The following CSMD3 variants were observed in gnomAD, a reference collection of about 807,000 sequenced individuals.
CSMD3 encodes CUB and Sushi multiple domains 3.
In CSMD3, 177 loss-of-function variants were observed where a neutral mutation model predicts 435.2. The observed-to-expected ratio is 0.41, with a 90% confidence interval of 0.36 to 0.46. The LOEUF is 0.46. CSMD3 is among the 20% of genes least tolerant of loss of function. CSMD3 has a pLI of 0.34. For synonymous variants in CSMD3, 1,656 were observed against 1,520.5 expected, an observed-to-expected ratio of 1.09 and a Z score of -2.07; for missense variants, 4,265 against 4,504.6, an observed-to-expected ratio of 0.95 and a Z score of 1.52.
chr8:112,933,611 C>A (rs929897202), intron 9 of CSMD3, among the ~76,000 whole-genome samples: 1 of 152,054 alleles, frequency 6.6e-6, no homozygotes, highest in African/African-American at 2.4e-5. Flanking sequence ...ATAACGATTT[C>A]TGAATAAGTC....
At chr8:113,414,868 A>G (rs970115083) in intron 1 of CSMD3, among the ~76,000 whole-genome samples, 2 of 152,128 alleles carry the variant, frequency 1.3e-5, no homozygotes, top group African/African-American at 4.8e-5. Flanking sequence ...TGGGAGGCTG[A>G]GGCAGGAGAA....
intron 32 of CSMD3, among the ~76,000 whole-genome samples, chr8:112,419,074 T>C (rs573061855): frequency 2.0e-5 from 3 of 152,244 alleles, no homozygotes; most frequent in Non-Finnish European, 4.4e-5. Flanking sequence ...TAAGGGATGA[T>C]TAGGGATACT....
intron 10 of CSMD3, among the ~76,000 whole-genome samples, chr8:112,906,644 C>T (rs998868640): frequency 5.3e-5 from 8 of 151,404 alleles, no homozygotes; most frequent in Non-Finnish European, 8.9e-5. Context: ...TTAGATCTTC[C>T]TTTTCTCATA....
intron 61 of CSMD3, among the ~76,000 whole-genome samples, chr8:112,259,382 T>C (rs1816164736): frequency 6.6e-6 from 1 of 150,858 alleles, no homozygotes. Context: ...TAAGTGGGAG[T>C]AGAACAATGA....
chr8:112,750,245 T>C (rs1327818483), intron 13 of CSMD3, among the ~76,000 whole-genome samples: 1 of 151,848 alleles, frequency 6.6e-6, no homozygotes, highest in Non-Finnish European at 1.5e-5. Flanking sequence ...TAACTATTGA[T>C]TGAGAACATA....
At chr8:113,171,536 T>C (rs2092267714) in intron 4 of CSMD3, among the ~76,000 whole-genome samples, 2 of 13,474 alleles carry the variant, frequency 1.5e-4, no homozygotes, top group African/African-American at 1.3e-3. Context: ...TTTAGGGAGT[T>C]TTATGGTTTT....
chr8:113,138,885 A>G lies in CSMD3; in HGVS notation c.709+34837T>C, dbSNP rs148542946. On this transcript the variant is annotated intron_variant, in intron 4 of 70. Coordinates refer to ENST00000297405, the MANE Select transcript of CSMD3 (RefSeq NM_198123.2). ...TATATCTGAATATATGTATATATAT[A>G]TGTCACATAATACTAAAGGAAATTT... Among the ~76,000 whole-genome samples the G allele has an allele frequency of 4.0e-3, 604 of 151,090 alleles. 5 individuals are homozygous for G. Among genetic ancestry groups the G allele is most frequent in the African/African-American group, 0.014 (580 of 41,332 alleles).
intron 23 of CSMD3, among the ~76,000 whole-genome samples, chr8:112,584,929 G>A (rs986007861): frequency 1.3e-5 from 2 of 151,426 alleles, no homozygotes; most frequent in African/African-American, 2.4e-5. Context: ...ATGACTTTAG[G>A]CTCTACAATT....
At chr8:113,388,606 T>C (rs1057274660) in intron 1 of CSMD3, among the ~76,000 whole-genome samples, 1 of 151,688 alleles carries the variant, frequency 6.6e-6, no homozygotes, top group African/African-American at 2.4e-5. Context: ...ATGGTAGTTA[T>C]ATTGAACTGA....
At chr8:113,329,092 A>G (rs1048041849) in intron 1 of CSMD3, among the ~76,000 whole-genome samples, 16 of 151,876 alleles carry the variant, frequency 1.1e-4, no homozygotes, top group Non-Finnish European at 1.8e-4. Context: ...AAGAAACTGG[A>G]AAGTATGGCT....
intron 1 of CSMD3, among the ~76,000 whole-genome samples, chr8:113,428,768 G>A (rs547118765): frequency 6.6e-6 from 1 of 151,920 alleles, no homozygotes; most frequent in South Asian, 2.1e-4. Flanking sequence ...AGATAAACTT[G>A]TATAACAGAA....
chr8:113,035,190 T>C (rs2087289830), intron 5 of CSMD3, among the ~76,000 whole-genome samples: 1 of 151,614 alleles, frequency 6.6e-6, no homozygotes, highest in Admixed American at 6.6e-5. Flanking sequence ...TTTGAAAAAA[T>C]CAATAAAATC....
At chr8:112,503,738 TA>T in intron 30 of CSMD3, 51 bp downstream of exon 30, 2 of 1,346,178 alleles carry the variant, frequency 1.5e-6, no homozygotes, top group Non-Finnish European at 2.1e-6. Context: ...TTCTCCTGTA[TA>T]AAATATCTAT....
chr8:112,382,290 G>GTAAAAAAAAAA (rs1190976806), intron 37 of CSMD3, among the ~76,000 whole-genome samples: 1 of 52,082 alleles, frequency 1.9e-5, no homozygotes, highest in Non-Finnish European at 4.9e-5. Context: ...TCTCTAAAAT[G>GTAAAAAAAAAA]CAAAAAAAAA....
intron 4 of CSMD3, among the ~76,000 whole-genome samples, chr8:113,159,141 T>C (rs1161209220): frequency 6.6e-6 from 1 of 152,024 alleles, no homozygotes; most frequent in African/African-American, 2.4e-5. Context: ...TCTTCTAGGC[T>C]TGTGTTAGGC....
chr8:112,859,068 CAT>C (rs1342315049), intron 11 of CSMD3, 75 bp downstream of exon 11: 16 of 1,360,554 alleles, frequency 1.2e-5, no homozygotes, highest in Non-Finnish European at 1.7e-5. Context: ...TTCCATACTG[CAT>C]GTTCCGTATT....
chr8:112,426,057 A>G (rs1194804753), intron 32 of CSMD3, among the ~76,000 whole-genome samples: 1 of 152,292 alleles, frequency 6.6e-6, no homozygotes, highest in East Asian at 1.9e-4. Flanking sequence ...CTGTTCCATC[A>G]TATACTGTCT....
intron 3 of CSMD3, among the ~76,000 whole-genome samples, chr8:113,225,595 C>T (rs907016647): frequency 2.0e-5 from 3 of 151,434 alleles, no homozygotes; most frequent in Non-Finnish European, 1.5e-5. Context: ...CTTATTGGTA[C>T]ACTGACTAAA....
intron 32 of CSMD3, among the ~76,000 whole-genome samples, chr8:112,437,051 G>A (rs1000342704): frequency 6.6e-6 from 1 of 151,956 alleles, no homozygotes; most frequent in Non-Finnish European, 1.5e-5. Flanking sequence ...GACTGATTAA[G>A]TTATGTTTTT....
Sources: gnomAD v4.1 joint callset for allele counts (sites outside exome capture counted in the v4.1 genomes callset) on GRCh38, gnomAD v4.1.1 for gene constraint, MANE v1.5 for transcripts, NCBI Gene and HGNC (gene_info 2026-07-23, HGNC 2026-07-21) for gene names.